Variants in MARCHF1 observed in about 807,000 individuals in gnomAD.
The protein encoded by MARCHF1 is E3 ubiquitin-protein ligase MARCHF1.
A neutral mutation model predicts 54.2 loss-of-function variants in MARCHF1; 40 were observed. The observed-to-expected ratio is 0.74, with a 90% confidence interval of 0.57 to 0.96. The LOEUF (loss-of-function observed/expected upper bound fraction) is 0.96. MARCHF1 is among the 40% of genes least tolerant of loss of function. The pLI is 0.00. For missense variants in MARCHF1, 586 were observed against 656.5 expected, an observed-to-expected ratio of 0.89 and a Z score of 1.17; for synonymous variants, 236 against 236.3, an observed-to-expected ratio of 1.00 and a Z score of 0.01.
At chr4:164,326,267 T>C (rs1361532948) in intron 1 of MARCHF1, among the ~76,000 whole-genome samples, 1 of 152,218 alleles carries the variant, frequency 6.6e-6, no homozygotes, top group Non-Finnish European at 1.5e-5. Flanking sequence ...GTGGTCCCAG[T>C]TGCCAGACAA....
intron 7 of MARCHF1, among the ~76,000 whole-genome samples, chr4:163,604,915 G>A (rs1685954108): frequency 6.6e-6 from 1 of 152,012 alleles, no homozygotes; most frequent in Admixed American, 6.6e-5. Context: ...TCTACTAGAT[G>A]CAAGTTGTTC....
At chr4:163,700,748 TA>T in intron 5 of MARCHF1, 64 bp downstream of exon 5, 1 of 1,189,966 alleles carries the variant, frequency 8.4e-7, no homozygotes, top group Non-Finnish European at 1.2e-6. Context: ...TTAAACATTA[TA>T]AACATTTATG....
chr4:163,994,792 C>T (rs1753040884), intron 2 of MARCHF1, among the ~76,000 whole-genome samples: 1 of 11,480 alleles, frequency 8.7e-5, no homozygotes, highest in Non-Finnish European at 9.9e-4. Flanking sequence ...CACACACACA[C>T]ACAAAACAAA....
In MARCHF1 at chr4:164,011,302, A is replaced by G. The variant is rs139623342; in HGVS notation, c.-247-22593T>C. ...TCAAGCTAAAAAGCTTCTGCACAGC[A>G]AAGGATACAATCAACAAACTGAAGA... On this transcript the variant is annotated intron_variant, in intron 2 of 9. Transcript: ENST00000514618. Among the ~76,000 whole-genome samples, 49 of 152,306 alleles carry G rather than the reference A, an allele frequency of 3.2e-4. 1 individual carries two copies. Among genetic ancestry groups the G allele is most frequent in the African/African-American group, 1.1e-3 (44 of 41,580 alleles).
chr4:163,796,168 C>T (rs1747908317), intron 4 of MARCHF1, among the ~76,000 whole-genome samples: 1 of 149,802 alleles, frequency 6.7e-6, no homozygotes, highest in African/African-American at 2.5e-5. Context: ...GGGTCAATTG[C>T]ATATAAATAT....
intron 1 of MARCHF1, among the ~76,000 whole-genome samples, chr4:164,224,628 T>C (rs776239467): frequency 6.6e-6 from 1 of 152,012 alleles, no homozygotes; most frequent in Non-Finnish European, 1.5e-5. Context: ...TTGTAACTTA[T>C]AATAGCAAAA....
intron 4 of MARCHF1, among the ~76,000 whole-genome samples, chr4:163,825,539 A>C (rs1360394563): frequency 2.0e-5 from 3 of 152,162 alleles, no homozygotes; most frequent in Middle Eastern, 3.4e-3. Context: ...ACAATGGCTG[A>C]ACTAATTTAC....
intron 2 of MARCHF1, among the ~76,000 whole-genome samples, chr4:164,052,921 C>G (rs537655498): frequency 6.6e-6 from 1 of 152,224 alleles, no homozygotes; most frequent in East Asian, 1.9e-4. Context: ...ATAGAACTAT[C>G]CTACAAAAAC....
At chr4:163,558,774 T>G (rs749768886) in intron 8 of MARCHF1, among the ~76,000 whole-genome samples, 6 of 152,164 alleles carry the variant, frequency 3.9e-5, no homozygotes, top group Non-Finnish European at 7.4e-5. Flanking sequence ...TGCAGCTGCG[T>G]GGAGCGTGCC....
chr4:163,612,881 C>T lies in MARCHF1; in HGVS notation c.400G>A (p.Glu134Lys). The T allele has an allele frequency of 6.5e-7, 1 of 1,535,472 alleles. No individual in the cohort carries two copies. The highest frequency in any genetic ancestry group is 1.4e-5 in the African/African-American group (1 of 73,092). Residue 134 changes from glutamate (E) to lysine (K), a missense_variant, in exon 7 of 10, where the codon GAA (glutamate) becomes AAA (lysine). Glu to Lys is a moderately conservative substitution (Grantham distance 56). Around this residue, in one of 3 missense-constraint regions of MARCHF1, gnomAD observed 387 missense variants for 394.6 expected, o/e 0.98. Transcript: ENST00000514618. ...ASERYEHAAE[E>K]QIRGRKNDFH... ...TCATTTTTTCTCCCTCTTATTTGTTCTTCTGCAGCATGCTCATATCTCTCA... is the reference window on the plus strand; with the variant it reads ...TCATTTTTTCTCCCTCTTATTTGTTTTTCTGCAGCATGCTCATATCTCTCA...
intron 4 of MARCHF1, among the ~76,000 whole-genome samples, chr4:163,791,064 G>A (rs1211353514): frequency 6.6e-6 from 1 of 152,114 alleles, no homozygotes; most frequent in African/African-American, 2.4e-5. Context: ...AGTTTAGAAT[G>A]AGAATGTAAA....
intron 4 of MARCHF1, among the ~76,000 whole-genome samples, chr4:163,830,627 T>G (rs900242353): frequency 6.6e-6 from 1 of 151,970 alleles, no homozygotes. Context: ...AATTATATGC[T>G]CTCCAGCTGG....
rs866532532 is a variant in MARCHF1, at chr4:164,351,413, C to G, written c.-323+32457G>C. Among the ~76,000 whole-genome samples, 22 of 150,828 alleles carry G rather than the reference C, an allele frequency of 1.5e-4. 1 individual carries two copies. Among genetic ancestry groups the G allele is most frequent in the African/African-American group, 5.1e-4 (21 of 41,268 alleles). On this transcript the variant is annotated intron_variant, in intron 1 of 9. Transcript: ENST00000514618. Reference sequence around the variant, plus strand: ...GTTCTCCCAGCAGGCAGCTGGAGATCTGAGAATGGGCAGACTGCCTCCTCA... The same window carrying G: ...GTTCTCCCAGCAGGCAGCTGGAGATGTGAGAATGGGCAGACTGCCTCCTCA...
chr4:163,843,797 T>A (rs188479586), intron 4 of MARCHF1, among the ~76,000 whole-genome samples: 44 of 152,112 alleles, frequency 2.9e-4, no homozygotes, highest in African/African-American at 1.0e-3. Flanking sequence ...ATTTTTTTTT[T>A]AACTTTTTAA....
chr4:164,045,465 T>C (rs1202182823), intron 2 of MARCHF1, among the ~76,000 whole-genome samples: 1 of 151,688 alleles, frequency 6.6e-6, no homozygotes, highest in Admixed American at 6.6e-5. Context: ...TGAGCCAAGA[T>C]TGTGACACTG....
At position 163,661,861 on chromosome 4, in the gene MARCHF1, C is replaced by G. The variant is rs537127677; in HGVS notation, c.162+38952G>C. ...GGATTTTCTAGAGTTTTATACAAATCTAATTACATAGCGTAGGACAGACTT... is the reference window on the plus strand; with the variant it reads ...GGATTTTCTAGAGTTTTATACAAATGTAATTACATAGCGTAGGACAGACTT... On this transcript the variant is annotated intron_variant, in intron 5 of 9. Coordinates refer to ENST00000514618, the MANE Select transcript of MARCHF1 (RefSeq NM_001394959.1). Among the ~76,000 whole-genome samples, 23 of 152,116 alleles carry G rather than the reference C, an allele frequency of 1.5e-4. No individual in the cohort carries two copies. The South Asian group carries it at 4.6e-3, about 30-fold the overall frequency.
chr4:164,074,502 T>C (rs960465153), intron 2 of MARCHF1, among the ~76,000 whole-genome samples: 2 of 152,162 alleles, frequency 1.3e-5, no homozygotes, highest in African/African-American at 2.4e-5. Flanking sequence ...TTAATATAAA[T>C]AGCATAAAAA....
intron 3 of MARCHF1, among the ~76,000 whole-genome samples, chr4:163,957,445 C>G (rs1752253218): frequency 6.6e-6 from 1 of 151,852 alleles, no homozygotes; most frequent in Non-Finnish European, 1.5e-5. Context: ...TACAAAAGTT[C>G]TTATCAAGAA....
At chr4:163,584,501 T>C (rs780131999) in intron 8 of MARCHF1, 4 of 152,220 alleles carry the variant, frequency 2.6e-5, no homozygotes, top group Non-Finnish European at 5.9e-5. Context: ...TTTCTATTTC[T>C]GGCATTGACA....
Sources: gnomAD v4.1 joint callset for allele counts (sites outside exome capture counted in the v4.1 genomes callset) on GRCh38, gnomAD v4.1.1 for gene constraint, gnomAD v4.1.1 regional missense constraint, MANE v1.5 for transcripts, NCBI Gene and HGNC (gene_info 2026-07-23, HGNC 2026-07-21) for gene names.